ADGRV1: variants seen among roughly 807,000 people sequenced by gnomAD.
The protein encoded by ADGRV1 is G-protein coupled receptor 98.
Under a neutral mutation model 596.2 loss-of-function variants are expected in ADGRV1, and 359 were observed. The ratio of observed to expected loss-of-function variants is 0.60; its 90% confidence interval spans 0.55 to 0.66. ADGRV1 has a LOEUF of 0.66. Among genes scored for constraint, ADGRV1 ranks in the 30% least tolerant of loss-of-function variants. The probability of loss-of-function intolerance (pLI) is 0.00; values close to 1 mark genes in which losing one functional copy is unlikely to be tolerated. For missense variants in ADGRV1, 7,274 were observed against 7,575.6 expected (o/e 0.96, Z 1.48); for synonymous variants, 2,681 against 2,679.2 (o/e 1.00, Z -0.02).
At chr5:90,861,589 C>CT (rs1409223235) in intron 82 of ADGRV1, among the ~76,000 whole-genome samples, 3 of 150,980 alleles carry the variant, frequency 2.0e-5, no homozygotes, top group African/African-American at 7.3e-5. Flanking sequence ...GATTACAGGC[C>CT]TGAGCCACCA....
chr5:91,160,479 A>G (rs1796851493), intron 89 of ADGRV1, among the ~76,000 whole-genome samples: 1 of 152,200 alleles, frequency 6.6e-6, no homozygotes, highest in Admixed American at 6.5e-5. Flanking sequence ...GTAAAACAGG[A>G]CTGATACTCA....
intron 87 of ADGRV1, among the ~76,000 whole-genome samples, chr5:91,115,558 A>G (rs935148810): frequency 5.9e-5 from 9 of 152,236 alleles, no homozygotes; most frequent in Non-Finnish European, 1.2e-4. Context: ...AGATCTTAGA[A>G]TCTGTAATCC....
chr5:90,655,183 C>T (rs1769227594), intron 20 of ADGRV1: 1 of 152,232 alleles, frequency 6.6e-6, no homozygotes, highest in African/African-American at 2.4e-5. Context: ...CCAGAAGCCC[C>T]CTTTGACTCC....
chr5:90,661,475 G>C (rs575155511), intron 21 of ADGRV1, among the ~76,000 whole-genome samples: 1 of 152,088 alleles, frequency 6.6e-6, no homozygotes, highest in Non-Finnish European at 1.5e-5. Flanking sequence ...GGTATAATCC[G>C]ATATCACCAA....
chr5:90,584,167 G>C (rs1406473878), intron 1 of ADGRV1, among the ~76,000 whole-genome samples: 1 of 152,162 alleles, frequency 6.6e-6, no homozygotes, highest in African/African-American at 2.4e-5. Flanking sequence ...TTCATGTAAA[G>C]CAGTTAAAAC....
At chr5:91,143,273 CT>C (rs2126856881) in intron 87 of ADGRV1, among the ~76,000 whole-genome samples, 1 of 152,342 alleles carries the variant, frequency 6.6e-6, no homozygotes, top group East Asian at 1.9e-4. Flanking sequence ...CAGCTCTTCT[CT>C]CCTTGTTGCC....
chr5:90,575,157 A>G (rs1446564988), intron 1 of ADGRV1, among the ~76,000 whole-genome samples: 4 of 148,382 alleles, frequency 2.7e-5, no homozygotes, highest in Admixed American at 2.0e-4. Flanking sequence ...TTTTTTTCCT[A>G]GTTTTTTTTA....
intron 86 of ADGRV1, among the ~76,000 whole-genome samples, chr5:91,092,321 A>G (rs1437796829): frequency 6.6e-6 from 1 of 151,768 alleles, no homozygotes; most frequent in African/African-American, 2.4e-5. Flanking sequence ...CTGGTCTCGA[A>G]CTCCTGACCT....
chr5:90,785,496 AATCT>A (rs1759337401), intron 67 of ADGRV1, among the ~76,000 whole-genome samples: 1 of 152,232 alleles, frequency 6.6e-6, no homozygotes, highest in Non-Finnish European at 1.5e-5. Context: ...AAATTTTTGC[AATCT>A]ATCCATCTGA....
chr5:90,988,191 G>T (rs1780653127), intron 85 of ADGRV1, among the ~76,000 whole-genome samples: 1 of 152,138 alleles, frequency 6.6e-6, no homozygotes, highest in African/African-American at 2.4e-5. Context: ...AAATGGTTTT[G>T]TTTGGTTGAT....
chr5:90,790,938 C>A lies in ADGRV1; in HGVS notation c.14109C>A (p.Phe4703Leu), dbSNP rs763230343. Residue 4703 changes from phenylalanine (F) to leucine (L), a missense_variant, in exon 70 of 90, where the codon TTC (phenylalanine) becomes TTA (leucine). Physicochemically the swap from Phe to Leu is conservative, Grantham distance 22. This residue lies in a region of ADGRV1 where 1,874 missense variants were observed against 1,970.2 expected (regional missense o/e 0.95). Coordinates refer to ENST00000405460, the MANE Select transcript of ADGRV1 (RefSeq NM_032119.4). ...TEDFLSTSGFFTIADGESEAS... is the reference protein window; with the variant it reads ...TEDFLSTSGFLTIADGESEAS... ...ACTTTCTTTCCACCAGTGGATTTTT[C>A]ACCATTGCTGATGGAGAGAGTGAAG... The A allele has an allele frequency of 6.2e-6, 10 of 1,612,364 alleles. No homozygotes were observed. The highest frequency in any genetic ancestry group is 2.2e-5 in the South Asian group (2 of 90,972).
intron 39 of ADGRV1, among the ~76,000 whole-genome samples, chr5:90,709,341 T>C (rs1749032567): frequency 6.6e-6 from 1 of 152,224 alleles, no homozygotes; most frequent in Admixed American, 6.5e-5. Flanking sequence ...CTTTTTCTTT[T>C]CATGCTTTTA....
At chr5:90,888,071 C>G (rs1181949711) in intron 83 of ADGRV1, among the ~76,000 whole-genome samples, 1 of 152,036 alleles carries the variant, frequency 6.6e-6, no homozygotes, top group Non-Finnish European at 1.5e-5. Context: ...TTGTGTGTCC[C>G]AAATTTCACC....
rs1451147471 is a variant in ADGRV1 at position 91,013,750 on chromosome 5, G to A, written c.18152+28228G>A. ...GTCAATTTTTGCTTTTGTTGAGATT[G>A]CTGTTGTTGTCTTTGTCATGTAATC... On this transcript the variant is annotated intron_variant, in intron 85 of 89. Transcript: ENST00000405460. 2.6e-5 allele frequency among the ~76,000 whole-genome samples: 4 copies of A among 152,148 alleles called. No homozygotes were observed. In the East Asian group the frequency reaches 5.8e-4, roughly 22 times the overall value.
intron 83 of ADGRV1, among the ~76,000 whole-genome samples, chr5:90,932,880 TA>T (rs1775378054): frequency 6.6e-6 from 1 of 151,972 alleles, no homozygotes; most frequent in Admixed American, 6.6e-5. Context: ...CAAGACTGTA[TA>T]AAAAGGACAC....
chr5:90,745,534 T>C (rs573202332), intron 51 of ADGRV1, 57 bp from the exon 52 acceptor site: 2 of 1,140,326 alleles, frequency 1.8e-6, no homozygotes, highest in Admixed American at 2.0e-5. Flanking sequence ...TAGTCTACTA[T>C]GTATATATCT....
At chr5:90,823,335 G>T in intron 75 of ADGRV1, 90 bp from the exon 76 acceptor site, 1 of 1,292,966 alleles carries the variant, frequency 7.7e-7, no homozygotes, top group Admixed American at 2.1e-5. Context: ...GTATACTTTG[G>T]ATGAAGAGGT....
Position 91,132,142 on chromosome 5 carries a change from C to CAA in ADGRV1, c.18433-17887_18433-17886insAA, listed in dbSNP as rs1329170929. Among the ~76,000 whole-genome samples, 240 of 152,190 alleles carry CAA rather than the reference C, an allele frequency of 1.6e-3. 1 individual carries two copies. Among genetic ancestry groups the CAA allele is most frequent in the South Asian group, 4.6e-3 (22 of 4,820 alleles). On this transcript the variant is annotated intron_variant, in intron 87 of 89. Coordinates refer to ENST00000405460, the MANE Select transcript of ADGRV1 (RefSeq NM_032119.4). The stretch of plus-strand genomic sequence containing the variant: ...TATTTTGGGGGTCTCTGTTCTGTTC[C>CAA]ATTGGCATGACAGATTCTTGACTCT...
intron 83 of ADGRV1, among the ~76,000 whole-genome samples, chr5:90,938,136 G>A (rs976015795): frequency 2.8e-4 from 43 of 151,986 alleles, no homozygotes; most frequent in Middle Eastern, 3.2e-3. Context: ...GGACTTTCCT[G>A]CTTGAACTCA....
Sources: gnomAD v4.1 joint callset for allele counts (sites outside exome capture counted in the v4.1 genomes callset) on GRCh38, gnomAD v4.1.1 for gene constraint, gnomAD v4.1.1 regional missense constraint, MANE v1.5 for transcripts, NCBI Gene and HGNC (gene_info 2026-07-23, HGNC 2026-07-21) for gene names.